CCDC73: variants seen among roughly 807,000 people sequenced by gnomAD.
CCDC73 encodes the protein coiled-coil domain-containing protein 73.
A neutral mutation model predicts 116.5 loss-of-function variants in CCDC73; 95 were observed. The observed-to-expected ratio is 0.82, with a 90% CI of 0.69 to 0.97. CCDC73 has a LOEUF of 0.97. Among genes scored for constraint, CCDC73 ranks in the 50% least tolerant of loss-of-function variants. The pLI, the probability that CCDC73 is intolerant of heterozygous loss-of-function variation, is 0.00. For synonymous variants in CCDC73, 398 were observed against 401.3 expected, an observed-to-expected ratio of 0.99 and a Z score of 0.10; for missense variants, 1,066 against 1,206.8, an observed-to-expected ratio of 0.88 and a Z score of 1.73.
chr11:32,767,653 T>C (rs927304795), intron 1 of CCDC73, among the ~76,000 whole-genome samples: 3 of 152,168 alleles, frequency 2.0e-5, no homozygotes, highest in Non-Finnish European at 2.9e-5. Context: ...CATCATAAAG[T>C]GGGCAAAGGA....
rs1047249097 is a variant in CCDC73, at chr11:32,708,060, C to A, written c.208-5116G>T. ...CAGGTCTTAGATTTAAGCCTTTGAT[C>A]CATCTTGATTTGATTTTTGTTAAGG... On this transcript the variant is annotated intron_variant, in intron 3 of 17. Coordinates refer to ENST00000335185, the MANE Select transcript of CCDC73 (RefSeq NM_001008391.4). Among the ~76,000 whole-genome samples the A allele has an allele frequency of 1.1e-4, 17 of 152,148 alleles. 1 individual carries two copies.
rs201669330 is a variant in CCDC73 at position 32,631,572 on chromosome 11, C to CAGGAAAGGAAGGAAAGGA, written c.1185+4106_1185+4123dup. 4.2e-5 allele frequency among the ~76,000 whole-genome samples: 6 copies of CAGGAAAGGAAGGAAAGGA among 143,710 alleles called. No individual in the cohort carries two copies. The South Asian group carries it at 6.7e-4, about 16-fold the overall frequency. 94.3% of individuals were successfully genotyped at this position (143,710 alleles called of 152,430 possible). On this transcript the variant is annotated intron_variant, in intron 14 of 17. Coordinates refer to ENST00000335185, the MANE Select transcript of CCDC73 (RefSeq NM_001008391.4). ...CCTGGGCAACATGGTGAAACCTCAT[C>CAGGAAAGGAAGGAAAGGA]AGGAAAGGAAGGAAAGGAAGGAAAG...
intron 6 of CCDC73, among the ~76,000 whole-genome samples, chr11:32,685,999 C>A (rs1331749778): frequency 6.6e-6 from 1 of 151,688 alleles, no homozygotes; most frequent in Non-Finnish European, 1.5e-5. Flanking sequence ...GGATTAGAGG[C>A]GTGAGCCACC....
chr11:32,661,424 G>A (rs1855924581), intron 9 of CCDC73, among the ~76,000 whole-genome samples: 2 of 151,318 alleles, frequency 1.3e-5, no homozygotes, highest in East Asian at 2.0e-4. Flanking sequence ...TACATTAGGT[G>A]TATCTCCTAA....
chr11:32,680,816 ATCT>A (rs975755762), intron 7 of CCDC73: 7 of 151,988 alleles, frequency 4.6e-5, no homozygotes, highest in Non-Finnish European at 1.0e-4. Flanking sequence ...TTTGTAACTA[ATCT>A]TCTAATTTCT....
chr11:32,695,576 C>T (rs1243838680), intron 6 of CCDC73, among the ~76,000 whole-genome samples: 1 of 152,072 alleles, frequency 6.6e-6, no homozygotes. Context: ...ATGCAGATTT[C>T]TTTGAAGCAG....
chr11:32,607,077 T>TA (rs1292354325), intron 17 of CCDC73, among the ~76,000 whole-genome samples: 1 of 105,916 alleles, frequency 9.4e-6, no homozygotes, highest in South Asian at 3.2e-4. Flanking sequence ...CAGCCAAAAA[T>TA]AAATTTTTTT....
At chr11:32,628,604 C>A (rs1364054549) in intron 14 of CCDC73, among the ~76,000 whole-genome samples, 1 of 152,150 alleles carries the variant, frequency 6.6e-6, no homozygotes, top group African/African-American at 2.4e-5. Flanking sequence ...CAGGATCATG[C>A]CATTCTAGGG....
At chr11:32,641,901 G>T in intron 13 of CCDC73, 71 bp downstream of exon 13, 1 of 1,117,572 alleles carries the variant, frequency 8.9e-7, no homozygotes, top group Non-Finnish European at 1.2e-6. Context: ...TATTTTCTTA[G>T]CATTTATAGT....
At chr11:32,823,195 T>C in the CCDC73 span, among the ~76,000 whole-genome samples, 1 of 151,686 alleles carries the variant, frequency 6.6e-6, no homozygotes, top group South Asian at 2.1e-4. Context: ...GAAGATAGGC[T>C]GGGCATGGTG....
chr11:32,704,606 C>A lies in CCDC73; in HGVS notation c.208-1662G>T, dbSNP rs188903552. Among the ~76,000 whole-genome samples, 44 of 152,284 alleles carry A rather than the reference C, an allele frequency of 2.9e-4. No homozygotes were observed. The East Asian group carries it at 7.8e-3, about 27-fold the overall frequency. On this transcript the variant is annotated intron_variant, in intron 3 of 17. Coordinates refer to ENST00000335185, the MANE Select transcript of CCDC73 (RefSeq NM_001008391.4). ...TGATGGTGACAGGAGGTGCTCCTGG[C>A]AGGAAGGGATGTCCCTAGTGAAAAC...
intron 2 of CCDC73, among the ~76,000 whole-genome samples, chr11:32,751,785 T>A (rs1459542280): frequency 6.6e-6 from 1 of 152,194 alleles, no homozygotes; most frequent in Admixed American, 6.5e-5. Context: ...GGTGCTTTTT[T>A]GTGTAGTTGT....
intron 1 of CCDC73, among the ~76,000 whole-genome samples, chr11:32,786,779 AG>A (rs1459969400): frequency 1.3e-5 from 2 of 152,082 alleles, no homozygotes; most frequent in African/African-American, 4.8e-5. Flanking sequence ...TAATCCTGAT[AG>A]GGGTCAGAGT....
At chr11:32,761,469 G>C (rs185075165) in intron 1 of CCDC73, among the ~76,000 whole-genome samples, 1 of 152,080 alleles carries the variant, frequency 6.6e-6, no homozygotes, top group Non-Finnish European at 1.5e-5. Flanking sequence ...AAATTGTTGG[G>C]TTGAGTGAAT....
Position 32,713,276 on chromosome 11 carries a change from T to C in CCDC73, c.207+4800A>G, listed in dbSNP as rs149621886. 5.5e-4 allele frequency among the ~76,000 whole-genome samples: 84 copies of C among 152,230 alleles called. 1 individual carries two copies. The East Asian group carries it at 0.013, about 23-fold the overall frequency. On this transcript the variant is annotated intron_variant, in intron 3 of 17. Coordinates refer to ENST00000335185, the MANE Select transcript of CCDC73 (RefSeq NM_001008391.4). ...AAACCAGCCCAGATGACAGAACTTATTCTATTCAGCAAAGCTTGCCAGTTG... is the reference window on the plus strand; with the variant it reads ...AAACCAGCCCAGATGACAGAACTTACTCTATTCAGCAAAGCTTGCCAGTTG...
chr11:32,642,807 T>C (rs1855744877), intron 12 of CCDC73, among the ~76,000 whole-genome samples: 1 of 151,862 alleles, frequency 6.6e-6, no homozygotes, highest in Admixed American at 6.6e-5. Context: ...TTGGAATCTT[T>C]AAGTTGTTTA....
intron 2 of CCDC73, among the ~76,000 whole-genome samples, chr11:32,736,956 A>G (rs1461735599): frequency 6.7e-6 from 1 of 149,748 alleles, no homozygotes; most frequent in African/African-American, 2.5e-5. Flanking sequence ...ATATATATAC[A>G]CACATATACA....
intron 1 of CCDC73, among the ~76,000 whole-genome samples, chr11:32,763,299 C>T (rs531615561): frequency 1.3e-5 from 2 of 152,362 alleles, no homozygotes; most frequent in Admixed American, 1.3e-4. Context: ...AGACTGCCTC[C>T]TCAAGTGAGT....
At chr11:32,645,181 A>C (rs1386075994) in intron 12 of CCDC73, among the ~76,000 whole-genome samples, 2 of 152,174 alleles carry the variant, frequency 1.3e-5, no homozygotes, top group Non-Finnish European at 2.9e-5. Flanking sequence ...CAGGGACAGT[A>C]ATACCCACAG....
Sources: allele counts gnomAD v4.1 joint callset (sites outside exome capture counted in the v4.1 genomes callset), GRCh38; gene constraint gnomAD v4.1.1; transcripts MANE v1.5; gene names NCBI Gene and HGNC (gene_info 2026-07-23, HGNC 2026-07-21).